Variants in TTC1 observed in about 807,000 individuals in gnomAD.
TTC1 encodes the protein tetratricopeptide repeat protein 1.
TTC1 carries 31 observed loss-of-function variants against 37.6 expected under a neutral mutation model. The observed-to-expected ratio is 0.82, with a 90% confidence interval of 0.62 to 1.11. TTC1 has a LOEUF of 1.11. TTC1 is among the 50% of genes most tolerant of loss of function. The pLI is 0.00. For missense variants in TTC1, 351 were observed against 339.0 expected (o/e 1.04, Z -0.28); for synonymous variants, 127 against 122.4 (o/e 1.04, Z -0.25).
intron 2 of TTC1, among the ~76,000 whole-genome samples, chr5:160,016,086 G>A (rs927433256): frequency 2.6e-5 from 4 of 152,164 alleles, no homozygotes; most frequent in South Asian, 2.1e-4. Flanking sequence ...AGTTGTTAAA[G>A]GTAAATCTTG....
intron 4 of TTC1, among the ~76,000 whole-genome samples, chr5:160,041,417 TCTC>T (rs1253107143): frequency 6.6e-6 from 1 of 151,808 alleles, no homozygotes; most frequent in Non-Finnish European, 1.5e-5. Flanking sequence ...TTCAAGCAAT[TCTC>T]CTGCGTCAGC....
chr5:160,040,245 TAAAC>T (rs1394889903), intron 4 of TTC1, among the ~76,000 whole-genome samples: 1 of 151,926 alleles, frequency 6.6e-6, no homozygotes, highest in Non-Finnish European at 1.5e-5. Flanking sequence ...TATAGATACA[TAAAC>T]ACACACACAT....
At chr5:160,061,382 T>A (rs1753391795) in intron 7 of TTC1, among the ~76,000 whole-genome samples, 1 of 152,244 alleles carries the variant, frequency 6.6e-6, no homozygotes, top group Non-Finnish European at 1.5e-5. Flanking sequence ...CTCAGCTACA[T>A]ATGAATTTGG....
At chr5:160,062,569 C>G (rs970390462) in intron 7 of TTC1, among the ~76,000 whole-genome samples, 4 of 152,202 alleles carry the variant, frequency 2.6e-5, no homozygotes, top group African/African-American at 9.6e-5. Context: ...AGTAAAATTT[C>G]CAGTTTGTAC....
At chr5:160,029,137 CAG>C (rs977300406) in intron 2 of TTC1, among the ~76,000 whole-genome samples, 1 of 152,082 alleles carries the variant, frequency 6.6e-6, no homozygotes, top group African/African-American at 2.4e-5. Flanking sequence ...TTCTGAGAAC[CAG>C]AGTTTTCACT....
intron 5 of TTC1, among the ~76,000 whole-genome samples, chr5:160,047,448 A>C (rs1162511219): frequency 6.6e-6 from 1 of 152,152 alleles, no homozygotes; most frequent in Non-Finnish European, 1.5e-5. Context: ...GCTGTTTTCC[A>C]TCTCTACTAC....
At chr5:160,022,083 G>A (rs1756720651) in intron 2 of TTC1, among the ~76,000 whole-genome samples, 1 of 152,034 alleles carries the variant, frequency 6.6e-6, no homozygotes, top group African/African-American at 2.4e-5. Context: ...TGAGAGTCTT[G>A]GTTTTCCCCC....
intron 2 of TTC1, among the ~76,000 whole-genome samples, chr5:160,032,187 G>A (rs764267061): frequency 5.3e-5 from 8 of 152,080 alleles, no homozygotes; most frequent in Non-Finnish European, 1.0e-4. Flanking sequence ...AGCCTAATCC[G>A]GCAATCTGAT....
At chr5:160,032,542 G>C (rs969312612) in intron 2 of TTC1, among the ~76,000 whole-genome samples, 1 of 151,942 alleles carries the variant, frequency 6.6e-6, no homozygotes, top group Admixed American at 6.6e-5. Flanking sequence ...TGGTATATTA[G>C]ATGCTTCTGA....
chr5:160,051,634 G>A (rs942451792), intron 7 of TTC1, among the ~76,000 whole-genome samples: 7 of 152,174 alleles, frequency 4.6e-5, no homozygotes, highest in African/African-American at 7.2e-5. Context: ...GAGAACACAC[G>A]AGAGGGCAGG....
intron 2 of TTC1, among the ~76,000 whole-genome samples, chr5:160,034,308 A>G (rs577093252): frequency 2.0e-5 from 3 of 152,264 alleles, no homozygotes; most frequent in East Asian, 3.9e-4. Context: ...GCATGCGTCT[A>G]CTTTGCTTTG....
chr5:160,053,087 G>T (rs1451113363), intron 7 of TTC1, among the ~76,000 whole-genome samples: 1 of 152,090 alleles, frequency 6.6e-6, no homozygotes, highest in Non-Finnish European at 1.5e-5. Context: ...GCCCCCACAA[G>T]AGCTTTTCTG....
At chr5:160,056,053 G>C (rs1460415338) in intron 7 of TTC1, among the ~76,000 whole-genome samples, 2 of 152,194 alleles carry the variant, frequency 1.3e-5, no homozygotes, top group African/African-American at 4.8e-5. Context: ...CACAAGTATG[G>C]CTTGTATTCT....
intron 2 of TTC1, among the ~76,000 whole-genome samples, chr5:160,018,594 T>C (rs977821915): frequency 2.0e-5 from 3 of 152,280 alleles, no homozygotes; most frequent in Admixed American, 2.0e-4. Context: ...GGGCTGATAG[T>C]AGGCAAGGGT....
chr5:160,049,496 T>C lies in TTC1; in HGVS notation c.542-18T>C. 1.3e-6 allele frequency: 2 copies of C among 1,550,568 alleles called. No individual in the cohort carries two copies. The highest frequency in any genetic ancestry group is 1.7e-6 in the Non-Finnish European group (2 of 1,154,632). ...CCATTTTTCTTTGTGATAAAAATTA[T>C]TTCTTCTCTTTTTACAGCAATTCAA... On this transcript the variant is annotated intron_variant, in intron 5 of 7. Coordinates refer to ENST00000231238, the MANE Select transcript of TTC1 (RefSeq NM_003314.3).
chr5:160,028,070 C>T (rs1561628520), intron 2 of TTC1, among the ~76,000 whole-genome samples: 3 of 152,012 alleles, frequency 2.0e-5, no homozygotes, highest in East Asian at 3.9e-4. Context: ...GGGGCCGAGG[C>T]GAGTGGATCA....
Position 160,037,985 on chromosome 5 carries a change from A to G in TTC1, c.504+1182A>G, listed in dbSNP as rs6895863. Among the ~76,000 whole-genome samples, 462 of 152,038 alleles carry G rather than the reference A, an allele frequency of 3.0e-3. 1 individual carries two copies. Among genetic ancestry groups the G allele is most frequent in the African/African-American group, 0.01 (419 of 41,468 alleles). On this transcript the variant is annotated intron_variant, in intron 4 of 7. Transcript: ENST00000231238. ...CAAATGCCTCTACCACAGTCACTTT[A>G]GGTGACAAGGTTTTTTTTGTTGTTG... is the stretch of plus-strand genomic sequence containing the variant.
rs1342007962 is a variant in TTC1 at position 160,051,201 on chromosome 5, TTTGC to T, written c.745+22_745+25del. On this transcript the variant is annotated intron_variant, in intron 7 of 7. Transcript: ENST00000231238. ...GATGTTAGGTAAGCTTACTTCTTAC[TTTGC>T]TTGATCATAAACAGCTAGGAACCTA... is the stretch of plus-strand genomic sequence containing the variant. 1.2e-6 allele frequency: 2 copies of T among 1,601,636 alleles called. No individual in the cohort carries two copies. Among genetic ancestry groups the T allele is most frequent in the Admixed American group, 3.4e-5 (2 of 58,214 alleles).
intron 2 of TTC1, among the ~76,000 whole-genome samples, chr5:160,022,695 G>C (rs560589464): frequency 6.6e-6 from 1 of 152,204 alleles, no homozygotes; most frequent in East Asian, 1.9e-4. Flanking sequence ...TCTTCACTTA[G>C]CAATAGTAGC....
Sources: gnomAD v4.1 joint callset for allele counts (sites outside exome capture counted in the v4.1 genomes callset) on GRCh38, gnomAD v4.1.1 for gene constraint, MANE v1.5 for transcripts, NCBI Gene and HGNC (gene_info 2026-07-23, HGNC 2026-07-21) for gene names.